NREP: variants seen among roughly 807,000 people sequenced by gnomAD.
The protein encoded by NREP is neuronal regeneration-related protein.
NREP carries 5 observed loss-of-function variants against 8.6 expected under a neutral mutation model. The observed-to-expected ratio is 0.58, with a 90% CI of 0.30 to 1.22. The LOEUF (loss-of-function observed/expected upper bound fraction) is 1.22, where lower values mean the gene tolerates loss of function less well. Ranked by LOEUF, NREP falls within the 50% of genes most tolerant of loss-of-function variation. NREP has a pLI of 0.07. For missense variants in NREP, 86 were observed against 82.5 expected (o/e 1.04, Z -0.17); for synonymous variants, 27 against 28.0 (o/e 0.96, Z 0.11).
chr5:111,759,421 C>CTTTT (rs56847446), upstream of NREP, among the ~76,000 whole-genome samples: 3 of 144,878 alleles, frequency 2.1e-5, no homozygotes, highest in African/African-American at 2.5e-5. Flanking sequence ...TTCTTTCTTT[C>CTTTT]TTTTTTTTTT....
chr5:111,787,354 G>A (rs1366073314), intron 2 of NREP, among the ~76,000 whole-genome samples: 1 of 152,090 alleles, frequency 6.6e-6, no homozygotes, highest in Non-Finnish European at 1.5e-5. Flanking sequence ...CCTTCCAATT[G>A]TTATTCCTAA....
At chr5:111,866,305 GA>G (rs1376574034) in intron 2 of NREP, among the ~76,000 whole-genome samples, 2 of 149,448 alleles carry the variant, frequency 1.3e-5, no homozygotes, top group Admixed American at 6.7e-5. Context: ...AAATTTACGA[GA>G]AAAAAAAACC....
chr5:111,960,891 T>G (rs578246938), intron 2 of NREP, among the ~76,000 whole-genome samples: 1 of 152,340 alleles, frequency 6.6e-6, no homozygotes, highest in Non-Finnish European at 1.5e-5. Context: ...TTCAGTTATG[T>G]AAAGACTATA....
At chr5:111,862,148 G>C (rs1185074393) in intron 2 of NREP, among the ~76,000 whole-genome samples, 1 of 152,154 alleles carries the variant, frequency 6.6e-6, no homozygotes, top group Non-Finnish European at 1.5e-5. Context: ...TGGCAATTAT[G>C]TTTGGCAAGA....
rs1003272 is a variant in NREP at position 111,876,078 on chromosome 5, G to T, written c.135+99196C>A. Among the ~76,000 whole-genome samples, 3,207 of 152,178 alleles carry T rather than the reference G, an allele frequency of 0.021. 187 individuals carry two copies. The East Asian group carries it at 0.23, about 11-fold the overall frequency. ...CCCCCATCTTTAATTATGCAGGCAG[G>T]TTTTCAGCATGAGCTGTACTATACT... is the stretch of plus-strand genomic sequence containing the variant. On this transcript the variant is annotated intron_variant, in intron 2 of 3. Transcript: ENST00000395634.
At chr5:111,878,596 A>G (rs1337686847) in intron 2 of NREP, among the ~76,000 whole-genome samples, 2 of 152,236 alleles carry the variant, frequency 1.3e-5, no homozygotes, top group Non-Finnish European at 2.9e-5. Context: ...TCACTAGATA[A>G]GAAGTTTGTT....
intron 2 of NREP, among the ~76,000 whole-genome samples, chr5:111,967,053 C>T (rs1756662312): frequency 6.6e-6 from 1 of 152,176 alleles, no homozygotes; most frequent in South Asian, 2.1e-4. Context: ...ACAAAATGCC[C>T]ATTTGGGGTA....
At chr5:111,892,216 G>A (rs1168364113) in intron 2 of NREP, among the ~76,000 whole-genome samples, 1 of 152,190 alleles carries the variant, frequency 6.6e-6, no homozygotes, top group African/African-American at 2.4e-5. Context: ...CTATGAGGGA[G>A]AGGTAGATAG....
intron 2 of NREP, among the ~76,000 whole-genome samples, chr5:111,879,200 G>T (rs112972051): frequency 6.6e-6 from 1 of 152,062 alleles, no homozygotes; most frequent in Non-Finnish European, 1.5e-5. Flanking sequence ...GCCTACTGCC[G>T]TGAGTATAAG....
At chr5:111,791,613 G>A (rs1394186278) in intron 2 of NREP, among the ~76,000 whole-genome samples, 1 of 152,074 alleles carries the variant, frequency 6.6e-6, no homozygotes, top group African/African-American at 2.4e-5. Flanking sequence ...GAGTAGCTGG[G>A]ACTATAGGTG....
At position 111,919,869 on chromosome 5, in the gene NREP, G is replaced by GAGAAAGAAATAA. The variant is rs1554053090; in HGVS notation, c.135+55404_135+55405insTTATTTCTTTCT. ...ACATGTATCCCAGAACTTGAAGAGAGAGAAAGAAAGAAAGAAAGAAAGAAA... is the reference window on the plus strand; with the variant it reads ...ACATGTATCCCAGAACTTGAAGAGAGAGAAAGAAATAAAGAAAGAAAGAAAGAAAGAAAGAAA... On this transcript the variant is annotated intron_variant, in intron 2 of 3. Coordinates refer to the NREP transcript ENST00000395634. Among the ~76,000 whole-genome samples, 4 of 125,034 alleles carry GAGAAAGAAATAA rather than the reference G, an allele frequency of 3.2e-5. No individual in the cohort carries two copies. The East Asian group carries it at 1.1e-3, about 33-fold the overall frequency. 82.0% of individuals were successfully genotyped at this position (125,034 alleles called of 152,430 possible).
rs1748417359 is a variant in NREP, at chr5:111,730,114, C to T, written c.*807G>A. On this transcript the variant is annotated 3_prime_UTR_variant, in exon 4 of 4. Coordinates refer to ENST00000257435, the MANE Select transcript of NREP (RefSeq NM_004772.4). ...GTAAATTACAGTTTTGTGATTGCTC[C>T]CGCTACCGTGACTGCATGTCCGTGA... The T allele has an allele frequency of 6.6e-6, 1 of 152,500 alleles. No individual in the cohort carries two copies. Among genetic ancestry groups the T allele is most frequent in the Non-Finnish European group, 1.5e-5 (1 of 68,010 alleles). 9.4% of individuals were successfully genotyped at this position (152,500 alleles called of 1,614,324 possible). A position where few individuals can be genotyped will look rare whatever the true frequency, so the allele number is the denominator to read the frequency against.
rs144811427 is a variant in NREP, at chr5:111,900,808, T to A, written c.135+74466A>T. 3.3e-3 allele frequency among the ~76,000 whole-genome samples: 499 copies of A among 152,274 alleles called. 2 individuals carry two copies. The highest frequency in any genetic ancestry group is 0.012 in the African/African-American group (482 of 41,566). ...AGGAAAGTCCCAGGACCAAATGGCTTTACTGCTGAATTCTACCAAACTTAT... is the reference window on the plus strand; with the variant it reads ...AGGAAAGTCCCAGGACCAAATGGCTATACTGCTGAATTCTACCAAACTTAT... On this transcript the variant is annotated intron_variant, in intron 2 of 3. Coordinates refer to the NREP transcript ENST00000395634.
chr5:111,762,929 C>T (rs144591418), intron 2 of NREP, among the ~76,000 whole-genome samples: 112 of 152,296 alleles, frequency 7.4e-4, no homozygotes, highest in African/African-American at 7.9e-4. Context: ...AGAAGTTATA[C>T]GTCCAGGGCT....
intron 2 of NREP, among the ~76,000 whole-genome samples, chr5:111,950,584 G>A (rs1422262229): frequency 2.6e-5 from 4 of 151,676 alleles, no homozygotes; most frequent in Non-Finnish European, 4.4e-5. Flanking sequence ...GCACGCAAAA[G>A]AAACTATCAT....
In NREP at chr5:111,953,767, A is replaced by C. The variant is rs145204486; in HGVS notation, c.135+21507T>G. Among the ~76,000 whole-genome samples the C allele has an allele frequency of 2.9e-3, 436 of 152,222 alleles. 3 individuals carry two copies. Among genetic ancestry groups the C allele is most frequent in the African/African-American group, 9.3e-3 (388 of 41,552 alleles). Reference sequence around the variant, plus strand: ...TCTTAGAAAGTGATATTTAAGTTGCATATTGACAAATAACAGTGAAAGGGG... The same window carrying C: ...TCTTAGAAAGTGATATTTAAGTTGCCTATTGACAAATAACAGTGAAAGGGG... On this transcript the variant is annotated intron_variant, in intron 2 of 3. Transcript: ENST00000395634.
intron 1 of NREP, chr5:111,975,526 A>G: frequency 1.6e-6 from 1 of 611,994 alleles, no homozygotes. Flanking sequence ...GTATAGGATC[A>G]GTTTATTTCC....
chr5:111,800,548 C>A (rs964467994), intron 2 of NREP, among the ~76,000 whole-genome samples: 3 of 152,214 alleles, frequency 2.0e-5, no homozygotes, highest in Admixed American at 2.0e-4. Flanking sequence ...CCATTCCAGT[C>A]ATTTCTTGCC....
chr5:111,937,038 G>A (rs1755704428), intron 2 of NREP, among the ~76,000 whole-genome samples: 1 of 151,958 alleles, frequency 6.6e-6, no homozygotes, highest in Admixed American at 6.6e-5. Context: ...TTCCTGCCCT[G>A]GGATTAATTT....
Sources: gnomAD v4.1 joint callset for allele counts (sites outside exome capture counted in the v4.1 genomes callset) on GRCh38, gnomAD v4.1.1 for gene constraint, MANE v1.5 for transcripts, NCBI Gene and HGNC (gene_info 2026-07-23, HGNC 2026-07-21) for gene names.